FTO: variants seen among roughly 807,000 people sequenced by gnomAD.
The protein encoded by FTO is alpha-ketoglutarate-dependent dioxygenase FTO.
FTO carries 47 observed loss-of-function variants against 63.9 expected under a neutral mutation model. The ratio of observed to expected loss-of-function variants is 0.74; its 90% CI spans 0.58 to 0.94. The LOEUF is 0.94. Among genes scored for constraint, FTO ranks in the 40% least tolerant of loss-of-function variants. The pLI is 0.00. For missense variants in FTO, 562 were observed against 618.1 expected (o/e 0.91, Z 0.96); for synonymous variants, 207 against 224.4 (o/e 0.92, Z 0.69).
chr16:54,031,013 T>C (rs553329577), intron 8 of FTO, among the ~76,000 whole-genome samples: 7 of 152,330 alleles, frequency 4.6e-5, no homozygotes, highest in Admixed American at 4.6e-4. Flanking sequence ...AGAAATCTGG[T>C]TTATGTAACT....
At chr16:53,982,758 C>T (rs1436068025) in intron 8 of FTO, among the ~76,000 whole-genome samples, 1 of 152,118 alleles carries the variant, frequency 6.6e-6, no homozygotes, top group Non-Finnish European at 1.5e-5. Context: ...ATATGCAGCT[C>T]GAAGCTGGCA....
At chr16:53,819,568 G>A (rs1445111267) in intron 2 of FTO, among the ~76,000 whole-genome samples, 1 of 151,962 alleles carries the variant, frequency 6.6e-6, no homozygotes, top group Non-Finnish European at 1.5e-5. Flanking sequence ...CTGCATTAAT[G>A]TTTCTGCATT....
chr16:54,011,912 C>G (rs1196401164), intron 8 of FTO, among the ~76,000 whole-genome samples: 1 of 152,158 alleles, frequency 6.6e-6, no homozygotes, highest in Non-Finnish European at 1.5e-5. Flanking sequence ...ATCTCTCTCC[C>G]TCTCCTCAGG....
At chr16:53,761,015 T>C (rs2151602032) in intron 1 of FTO, among the ~76,000 whole-genome samples, 1 of 152,070 alleles carries the variant, frequency 6.6e-6, no homozygotes, top group African/African-American at 2.4e-5. Flanking sequence ...TTTCTTTCCT[T>C]TCTTTCCCTT....
intron 8 of FTO, among the ~76,000 whole-genome samples, chr16:54,042,172 T>C (rs2085096070): frequency 6.6e-6 from 1 of 150,842 alleles, no homozygotes; most frequent in Non-Finnish European, 1.5e-5. Flanking sequence ...AGACGGGTGA[T>C]TTCTGCATTT....
intron 4 of FTO, among the ~76,000 whole-genome samples, chr16:53,872,393 C>T (rs2151876609): frequency 6.6e-6 from 1 of 152,324 alleles, no homozygotes; most frequent in East Asian, 1.9e-4. Context: ...GGCCCTGTGG[C>T]CTTGGCCTCC....
chr16:53,714,467 T>TG (rs1044885161), intron 1 of FTO, among the ~76,000 whole-genome samples: 14 of 152,228 alleles, frequency 9.2e-5, no homozygotes, highest in Non-Finnish European at 1.8e-4. Context: ...TGCCATTTTT[T>TG]GAAAACAAAG....
chr16:53,883,046 G>A lies in FTO; in HGVS notation c.1119+3059G>A, dbSNP rs542777738. ...GAACTTCAGGAAAGAATACATTTAT[G>A]GGCCTGATGACCTCCCTGAATTAGA... is the stretch of plus-strand genomic sequence containing the variant. On this transcript the variant is annotated intron_variant, in intron 6 of 8. Transcript: ENST00000471389. Among the ~76,000 whole-genome samples the A allele has an allele frequency of 1.9e-4, 29 of 152,220 alleles. 1 individual carries two copies. The South Asian group carries it at 6.0e-3, about 32-fold the overall frequency.
intron 3 of FTO, among the ~76,000 whole-genome samples, chr16:53,839,191 G>T (rs17819033): frequency 0.23 from 35,040 of 152,124 alleles, 4,253 homozygotes; most frequent in Middle Eastern, 0.31. Context: ...TCTTTTGTAT[G>T]TTGTCACATC....
intron 8 of FTO, among the ~76,000 whole-genome samples, chr16:54,049,159 A>G (rs1174274158): frequency 6.6e-6 from 1 of 152,196 alleles, no homozygotes; most frequent in Non-Finnish European, 1.5e-5. Context: ...TGATACTACC[A>G]CATACGTCTT....
intron 8 of FTO, among the ~76,000 whole-genome samples, chr16:54,022,105 C>CCTG (rs1477800797): frequency 6.6e-6 from 1 of 152,086 alleles, no homozygotes; most frequent in Non-Finnish European, 1.5e-5. Context: ...CATCACTTCA[C>CCTG]CTGAGTTTTC....
chr16:53,717,975 C>T (rs2075936645), intron 1 of FTO, among the ~76,000 whole-genome samples: 1 of 152,044 alleles, frequency 6.6e-6, no homozygotes, highest in African/African-American at 2.4e-5. Context: ...TGTGGCTCAT[C>T]TCTTGCTTTG....
chr16:54,006,739 A>G (rs2084216091), intron 8 of FTO, among the ~76,000 whole-genome samples: 2 of 152,362 alleles, frequency 1.3e-5, no homozygotes, highest in South Asian at 4.1e-4. Flanking sequence ...AAGTGAAAGG[A>G]TAGGCTCCAA....
At chr16:53,832,072 C>G (rs1427700603) in intron 3 of FTO, among the ~76,000 whole-genome samples, 1 of 152,052 alleles carries the variant, frequency 6.6e-6, no homozygotes, top group Non-Finnish European at 1.5e-5. Flanking sequence ...TCAGAAGAGG[C>G]AGAGCAGGGG....
chr16:53,927,211 A>G (rs1339447638), intron 7 of FTO, among the ~76,000 whole-genome samples: 1 of 152,150 alleles, frequency 6.6e-6, no homozygotes, highest in Admixed American at 6.5e-5. Context: ...GCAGTGGGGA[A>G]GGGGTAAGTT....
At chr16:53,987,598 GA>G (rs2083702565) in intron 8 of FTO, among the ~76,000 whole-genome samples, 2 of 137,576 alleles carry the variant, frequency 1.5e-5, no homozygotes, top group Admixed American at 7.1e-5. Flanking sequence ...AAAAAAAAAA[GA>G]AAAGAAAAGA....
rs372645166 is a variant in FTO at position 54,118,056 on chromosome 16, T to C, written c.*6141T>C. The C allele has an allele frequency of 1.5e-4, 23 of 152,380 alleles. No homozygotes were observed. Among genetic ancestry groups the C allele is most frequent in the South Asian group, 6.2e-4 (3 of 4,828 alleles). 9.4% of individuals were successfully genotyped at this position (152,380 alleles called of 1,614,324 possible). On this transcript the variant is annotated 3_prime_UTR_variant, in exon 9 of 9. Coordinates refer to ENST00000471389, the MANE Select transcript of FTO (RefSeq NM_001080432.3). ...CTGTTTGCCTGTCTGCACTTGCCTT[T>C]AGACAAAATTCATCAATTTTACAAA...
At chr16:54,074,377 A>G (rs2085937335) in intron 8 of FTO, among the ~76,000 whole-genome samples, 1 of 152,128 alleles carries the variant, frequency 6.6e-6, no homozygotes, top group South Asian at 2.1e-4. Context: ...CTGTAAGCCT[A>G]CCACCTTGGG....
chr16:53,908,709 T>G (rs911917026), intron 7 of FTO, among the ~76,000 whole-genome samples: 1 of 152,210 alleles, frequency 6.6e-6, no homozygotes. Context: ...CACTTTCTTA[T>G]TCTTCTTGTG....
Sources: allele counts gnomAD v4.1 joint callset (sites outside exome capture counted in the v4.1 genomes callset), GRCh38; gene constraint gnomAD v4.1.1; transcripts MANE v1.5; gene names NCBI Gene and HGNC (gene_info 2026-07-23, HGNC 2026-07-21).